Variants in CNTN4 observed in about 807,000 individuals in gnomAD.
CNTN4 encodes contactin-4.
CNTN4 carries 77 observed loss-of-function variants against 122.5 expected under a neutral mutation model. That is an observed-to-expected ratio of 0.63 (90% CI 0.52 to 0.76). The LOEUF (loss-of-function observed/expected upper bound fraction) is 0.76. CNTN4 is among the 30% of genes least tolerant of loss of function. The pLI is 0.00. For missense variants in CNTN4, 1,256 were observed against 1,259.1 expected (o/e 1.00, Z 0.04); for synonymous variants, 512 against 447.0 (o/e 1.15, Z -1.83).
intron 4 of CNTN4, among the ~76,000 whole-genome samples, chr3:2,575,837 T>G (rs2079645127): frequency 1.5e-5 from 1 of 64,922 alleles, no homozygotes; most frequent in African/African-American, 5.8e-5. Flanking sequence ...TTTTTTTTTT[T>G]GTGAGAGAGA....
chr3:2,779,692 G>A (rs911610172), intron 6 of CNTN4, among the ~76,000 whole-genome samples: 3 of 152,054 alleles, frequency 2.0e-5, no homozygotes, highest in Non-Finnish European at 4.4e-5. Flanking sequence ...TTAAAATGAA[G>A]ATATTAATAC....
At chr3:2,245,684 C>T (rs941301541) in intron 2 of CNTN4, among the ~76,000 whole-genome samples, 4 of 151,710 alleles carry the variant, frequency 2.6e-5, no homozygotes, top group East Asian at 1.9e-4. Context: ...AATTGGTGTA[C>T]GTATTTTCTT....
chr3:2,934,341 C>T (rs1225430824), intron 13 of CNTN4, among the ~76,000 whole-genome samples: 1 of 152,234 alleles, frequency 6.6e-6, no homozygotes, highest in Admixed American at 6.5e-5. Flanking sequence ...TGTCTATAGA[C>T]ACTGGTATCT....
intron 23 of CNTN4, among the ~76,000 whole-genome samples, chr3:3,045,756 G>A (rs544623520): frequency 2.0e-5 from 3 of 152,348 alleles, no homozygotes; most frequent in Non-Finnish European, 4.4e-5. Flanking sequence ...CTCCTCACCA[G>A]CAATGGAAAA....
At chr3:2,548,467 C>A (rs2078339936) in intron 3 of CNTN4, among the ~76,000 whole-genome samples, 1 of 152,098 alleles carries the variant, frequency 6.6e-6, no homozygotes, top group African/African-American at 2.4e-5. Context: ...TCAGGTTCTT[C>A]AAAGATCACA....
intron 7 of CNTN4, among the ~76,000 whole-genome samples, chr3:2,839,891 A>G (rs6781149): frequency 0.21 from 31,730 of 152,140 alleles, 4,151 homozygotes; most frequent in East Asian, 0.47. Flanking sequence ...ATAGCAATCT[A>G]GGGACTTTTT....
At position 2,262,216 on chromosome 3, in the gene CNTN4, A is replaced by G. The variant is rs563602006; in HGVS notation, c.-144-76962A>G. The G allele has an allele frequency of 8.5e-5, 13 of 152,302 alleles. No homozygotes were observed. The East Asian group carries it at 2.3e-3, about 27-fold the overall frequency. The allele number at this position is 152,302 out of a possible 1,614,324, so 9.4% of individuals were successfully genotyped here. On this transcript the variant is annotated intron_variant, in intron 2 of 24. Coordinates refer to ENST00000418658, the MANE Select transcript of CNTN4 (RefSeq NM_175607.3). ...ATGTGTCTTCCATTTTCTGCTCTGT[A>G]TCTCCAACTGGACCAATTTTTCCAG...
intron 3 of CNTN4, among the ~76,000 whole-genome samples, chr3:2,476,912 G>A (rs960614457): frequency 6.6e-6 from 1 of 151,874 alleles, no homozygotes; most frequent in Non-Finnish European, 1.5e-5. Context: ...AGAGATTCTG[G>A]GGATGTGCTA....
intron 3 of CNTN4, among the ~76,000 whole-genome samples, chr3:2,503,890 G>A (rs1343425429): frequency 6.6e-6 from 1 of 152,060 alleles, no homozygotes; most frequent in Non-Finnish European, 1.5e-5. Flanking sequence ...GGCCATATTT[G>A]GCTTTACCAG....
At chr3:2,950,492 T>C (rs1200555923) in intron 13 of CNTN4, among the ~76,000 whole-genome samples, 3 of 152,196 alleles carry the variant, frequency 2.0e-5, no homozygotes, top group Non-Finnish European at 2.9e-5. Context: ...GAGTAGCAGG[T>C]CCCTGTCATA....
At chr3:2,332,458 C>CA (rs1021724184) in intron 2 of CNTN4, among the ~76,000 whole-genome samples, 2 of 151,900 alleles carry the variant, frequency 1.3e-5, no homozygotes, top group Non-Finnish European at 2.9e-5. Context: ...TTTATTCACC[C>CA]ATTTGATTAG....
intron 4 of CNTN4, among the ~76,000 whole-genome samples, chr3:2,665,183 A>C (rs1338096471): frequency 2.6e-5 from 4 of 152,208 alleles, no homozygotes. Flanking sequence ...TAATGTTGCA[A>C]ATACTAATTC....
intron 6 of CNTN4, among the ~76,000 whole-genome samples, chr3:2,808,267 G>C (rs1433610761): frequency 6.6e-6 from 1 of 152,016 alleles, no homozygotes; most frequent in African/African-American, 2.4e-5. Flanking sequence ...GTAGATTACT[G>C]ACTTTATCAT....
intron 3 of CNTN4, among the ~76,000 whole-genome samples, chr3:2,551,188 C>A (rs751626062): frequency 5.2e-4 from 79 of 152,080 alleles, no homozygotes; most frequent in Admixed American, 7.2e-4. Context: ...TACAGGTTTG[C>A]ATTAATTCCT....
At chr3:2,348,692 C>G (rs2044496130) in intron 3 of CNTN4, among the ~76,000 whole-genome samples, 1 of 152,180 alleles carries the variant, frequency 6.6e-6, no homozygotes, top group African/African-American at 2.4e-5. Flanking sequence ...ATTATGTTTT[C>G]AAAACTGGAA....
chr3:2,567,518 G>A (rs2079224840), intron 3 of CNTN4, among the ~76,000 whole-genome samples: 1 of 152,144 alleles, frequency 6.6e-6, no homozygotes, highest in Non-Finnish European at 1.5e-5. Context: ...AACAAAGATA[G>A]CTATGACGTT....
Position 3,012,745 on chromosome 3 carries a change from G to T in CNTN4, c.1487-13357G>T, listed in dbSNP as rs551653365. ...GCACTTTGGGAGGCGGAGGCGGGCA[G>T]ATCACCTGAGGTCAGGAGTTTGAGA... On this transcript the variant is annotated intron_variant, in intron 14 of 24. Transcript: ENST00000418658. Among the ~76,000 whole-genome samples, 21 of 152,254 alleles carry T rather than the reference G, an allele frequency of 1.4e-4. No homozygotes were observed. The South Asian group carries it at 4.3e-3, about 32-fold the overall frequency.
chr3:2,763,063 T>C (rs1345868430), intron 6 of CNTN4, among the ~76,000 whole-genome samples: 2 of 149,246 alleles, frequency 1.3e-5, no homozygotes, highest in Non-Finnish European at 3.0e-5. Flanking sequence ...CGCCTCAGCC[T>C]CCCAAGTAGC....
intron 3 of CNTN4, among the ~76,000 whole-genome samples, chr3:2,347,327 G>T (rs755701728): frequency 1.7e-4 from 25 of 143,098 alleles, no homozygotes; most frequent in Non-Finnish European, 3.0e-4. Flanking sequence ...CTTCCTCCCG[G>T]AATTGACACA....
Sources: gnomAD v4.1 joint callset for allele counts (sites outside exome capture counted in the v4.1 genomes callset) on GRCh38, gnomAD v4.1.1 for gene constraint, MANE v1.5 for transcripts, NCBI Gene and HGNC (gene_info 2026-07-23, HGNC 2026-07-21) for gene names.